RAB23: variants seen among roughly 807,000 people sequenced by gnomAD.
The protein encoded by RAB23 is RAB23, member RAS oncogene family, also known as ras-related protein Rab-23.
Under a neutral mutation model 30.0 loss-of-function variants are expected in RAB23, and 15 were observed. That is an observed-to-expected ratio of 0.50 (90% confidence interval 0.33 to 0.77). The LOEUF (loss-of-function observed/expected upper bound fraction) is 0.77. RAB23 is among the 30% of genes least tolerant of loss of function. The pLI is 0.02. For missense variants in RAB23, 243 were observed against 275.4 expected, an observed-to-expected ratio of 0.88 and a Z score of 0.83; for synonymous variants, 93 against 94.0, an observed-to-expected ratio of 0.99 and a Z score of 0.06.
chr6:57,201,282 C>G (rs1765244437), intron 3 of RAB23, among the ~76,000 whole-genome samples: 1 of 152,034 alleles, frequency 6.6e-6, no homozygotes, highest in African/African-American at 2.4e-5. Flanking sequence ...GGGGTTTTGC[C>G]ATGTTGGCCA....
intron 3 of RAB23, among the ~76,000 whole-genome samples, chr6:57,200,630 G>C (rs1765219951): frequency 6.6e-6 from 1 of 151,936 alleles, no homozygotes; most frequent in South Asian, 2.1e-4. Flanking sequence ...ATGGATGAGG[G>C]TGCTATCACC....
chr6:57,200,397 T>G (rs1213378211), intron 3 of RAB23, among the ~76,000 whole-genome samples: 1 of 151,116 alleles, frequency 6.6e-6, no homozygotes, highest in Non-Finnish European at 1.5e-5. Context: ...ATTAGCTGGG[T>G]GTGGTGGTGG....
chr6:57,192,149 T>C (rs1439943370), intron 6 of RAB23, among the ~76,000 whole-genome samples: 2 of 152,178 alleles, frequency 1.3e-5, no homozygotes, highest in Admixed American at 1.3e-4. Flanking sequence ...CAGCTATTTG[T>C]GAGATTCTGT....
intron 3 of RAB23, among the ~76,000 whole-genome samples, chr6:57,200,561 A>AT (rs1209887956): frequency 3.3e-5 from 5 of 150,514 alleles, no homozygotes; most frequent in Admixed American, 6.6e-5. Flanking sequence ...AAAAAAAAGA[A>AT]TTTTTTTAGA....
chr6:57,203,620 A>G (rs1421185047), intron 3 of RAB23, among the ~76,000 whole-genome samples: 3 of 152,240 alleles, frequency 2.0e-5, no homozygotes, highest in African/African-American at 4.8e-5. Context: ...ATTAAAAAAT[A>G]CAAATAACTT....
intron 3 of RAB23, among the ~76,000 whole-genome samples, chr6:57,199,185 G>A (rs1765141165): frequency 6.6e-6 from 1 of 152,234 alleles, no homozygotes; most frequent in East Asian, 1.9e-4. Flanking sequence ...TATGCTGCAG[G>A]GGGCTCTGCT....
chr6:57,218,615 G>A (rs1765935161), intron 1 of RAB23, among the ~76,000 whole-genome samples: 1 of 152,154 alleles, frequency 6.6e-6, no homozygotes, highest in Non-Finnish European at 1.5e-5. Flanking sequence ...ACTTTGGGAG[G>A]CCAAGTCAGG....
rs553127730 is a variant in RAB23 at position 57,206,457 on chromosome 6, C to A, written c.241+1171G>T. Among the ~76,000 whole-genome samples the A allele has an allele frequency of 8.5e-5, 13 of 152,062 alleles. No homozygotes were observed. The East Asian group carries it at 2.5e-3, about 29-fold the overall frequency. ...AAACAACAAGGAAATGAGCAACAGGCTGAATTTTCAAAAAGTAATCCAAAC... is the reference window on the plus strand; with the variant it reads ...AAACAACAAGGAAATGAGCAACAGGATGAATTTTCAAAAAGTAATCCAAAC... On this transcript the variant is annotated intron_variant, in intron 3 of 6. Coordinates refer to ENST00000468148, the MANE Select transcript of RAB23 (RefSeq NM_016277.5).
intron 3 of RAB23, among the ~76,000 whole-genome samples, chr6:57,203,982 C>T (rs935723918): frequency 6.6e-6 from 1 of 152,132 alleles, no homozygotes; most frequent in African/African-American, 2.4e-5. Context: ...TTTAGAAAGG[C>T]AACTTCTTTG....
intron 3 of RAB23, among the ~76,000 whole-genome samples, chr6:57,197,373 C>T (rs1481731746): frequency 6.6e-6 from 1 of 152,108 alleles, no homozygotes; most frequent in South Asian, 2.1e-4. Flanking sequence ...AAGCAGAAAC[C>T]TCTTAGAAGA....
intron 1 of RAB23, among the ~76,000 whole-genome samples, chr6:57,218,082 T>C (rs753679571): frequency 2.0e-5 from 3 of 152,210 alleles, no homozygotes; most frequent in Non-Finnish European, 4.4e-5. Context: ...GAATTTGTAA[T>C]GTAAAAACTC....
chr6:57,196,414 T>C, intron 4 of RAB23, 36 bp downstream of exon 4: 3 of 1,611,470 alleles, frequency 1.9e-6, no homozygotes, highest in Non-Finnish European at 2.5e-6. Context: ...CTTTATAGAA[T>C]TACTGTCCCT....
At chr6:57,198,254 TA>T (rs930134132) in intron 3 of RAB23, among the ~76,000 whole-genome samples, 11 of 152,042 alleles carry the variant, frequency 7.2e-5, no homozygotes, top group African/African-American at 2.2e-4. Context: ...CAACTACAAA[TA>T]AAAAAAATTA....
In RAB23 at chr6:57,188,369, A is replaced by AGAT. The variant is rs1680736470; in HGVS notation, c.*2089_*2091dup. 3 of 152,186 alleles carry AGAT rather than the reference A, an allele frequency of 2.0e-5. No homozygotes were observed. Among genetic ancestry groups the AGAT allele is most frequent in the South Asian group, 4.1e-4 (2 of 4,832 alleles). 9.4% of individuals were successfully genotyped at this position (152,186 alleles called of 1,614,324 possible). ...CTCTCTTCAGTTCTTATTTAAAAAAAGATAAAACTAGGTACATAAAATTAT... is the reference window on the plus strand; with the variant it reads ...CTCTCTTCAGTTCTTATTTAAAAAAAGATGATAAAACTAGGTACATAAAATTAT... On this transcript the variant is annotated 3_prime_UTR_variant, in exon 7 of 7. Transcript: ENST00000468148.
At chr6:57,192,655 A>T (rs539380901) in intron 6 of RAB23, among the ~76,000 whole-genome samples, 106 of 152,306 alleles carry the variant, frequency 7.0e-4, no homozygotes, top group African/African-American at 2.4e-3. Context: ...TGGGAAGCCG[A>T]GACAGGAGGA....
In RAB23 at chr6:57,196,598, C is replaced by T; in HGVS notation, c.250G>A (p.Ala84Thr). 1 of 1,613,676 alleles carries T rather than the reference C, an allele frequency of 6.2e-7. No individual in the cohort carries two copies. Among genetic ancestry groups the T allele is most frequent in the Non-Finnish European group, 8.5e-7 (1 of 1,179,824 alleles). Residue 84 changes from alanine (A) to threonine (T), a missense_variant, in exon 4 of 7, where the codon GCT becomes ACT. Physicochemically the swap from Ala to Thr is moderately conservative, Grantham distance 58. Transcript: ENST00000468148. ...ITKAYYRGAQ[A>T]CVLVFSTTDR... ...GTGGTAGAGAACACGAGCACACAAGCCTGGGCTCCTGTAAGTTCACAATCA... is the reference window on the plus strand; with the variant it reads ...GTGGTAGAGAACACGAGCACACAAGTCTGGGCTCCTGTAAGTTCACAATCA...
intron 4 of RAB23, among the ~76,000 whole-genome samples, chr6:57,195,125 G>A (rs770604699): frequency 3.3e-5 from 5 of 152,096 alleles, no homozygotes; most frequent in African/African-American, 7.2e-5. Context: ...CTGTTATACC[G>A]TATGTGTACA....
chr6:57,210,967 C>T (rs1765632169), intron 1 of RAB23, among the ~76,000 whole-genome samples: 1 of 152,156 alleles, frequency 6.6e-6, no homozygotes, highest in South Asian at 2.1e-4. Context: ...TGACATGATG[C>T]CATAAGGGAA....
rs760276939 is a variant in RAB23, at chr6:57,188,153, A to AAATT, written c.*2304_*2307dup. On this transcript the variant is annotated 3_prime_UTR_variant, in exon 7 of 7. Transcript: ENST00000468148. The stretch of plus-strand genomic sequence containing the variant: ...TTTCTTTAGTATACATGGTTTCATA[A>AAATT]AATTAAAGTTATTTAAGAGAATGAA... 4.8e-4 allele frequency: 73 copies of AAATT among 152,288 alleles called. No individual in the cohort carries two copies. The highest frequency in any genetic ancestry group is 9.4e-4 in the Non-Finnish European group (64 of 67,998). 9.4% of individuals were successfully genotyped at this position (152,288 alleles called of 1,614,324 possible).
Sources: allele counts gnomAD v4.1 joint callset (sites outside exome capture counted in the v4.1 genomes callset), GRCh38; gene constraint gnomAD v4.1.1; transcripts MANE v1.5; gene names NCBI Gene and HGNC (gene_info 2026-07-23, HGNC 2026-07-21).